The following TMC5 variants were observed in gnomAD, a reference collection of about 807,000 sequenced individuals.
The protein encoded by TMC5 is transmembrane channel-like protein 5.
TMC5 carries 86 observed loss-of-function variants against 110.5 expected under a neutral mutation model. That is an observed-to-expected ratio of 0.78 (90% CI 0.65 to 0.93). The LOEUF (loss-of-function observed/expected upper bound fraction) is 0.93. Ranked by LOEUF, TMC5 falls within the 40% of genes least tolerant of loss-of-function variation. TMC5 has a pLI of 0.00. For missense variants in TMC5, 1,144 were observed against 1,222.8 expected, an observed-to-expected ratio of 0.94 and a Z score of 0.96; for synonymous variants, 455 against 439.5, an observed-to-expected ratio of 1.04 and a Z score of -0.44.
rs572731475 is a variant in TMC5, at chr16:19,485,636, A to G, written c.2364-1309A>G. Among the ~76,000 whole-genome samples, 5 of 152,352 alleles carry G rather than the reference A, an allele frequency of 3.3e-5. No individual in the cohort carries two copies. In the South Asian group the frequency reaches 1.0e-3, roughly 32 times the overall value. ...TTTAAGGGAGTCTTTATTTACAATC[A>G]TAAATGGAAAACCAGTGCCATTTGA... is the stretch of plus-strand genomic sequence containing the variant. On this transcript the variant is annotated intron_variant, in intron 15 of 21. Coordinates refer to ENST00000542583, the MANE Select transcript of TMC5 (RefSeq NM_001261841.2).
intron 1 of TMC5, among the ~76,000 whole-genome samples, chr16:19,421,768 A>C (rs549377536): frequency 2.6e-5 from 4 of 152,350 alleles, no homozygotes; most frequent in African/African-American, 9.6e-5. Flanking sequence ...CAAGAGGTGA[A>C]TGTGGAACAA....
intron 2 of TMC5, among the ~76,000 whole-genome samples, chr16:19,437,679 A>G (rs1046493794): frequency 1.3e-5 from 2 of 152,158 alleles, no homozygotes; most frequent in African/African-American, 2.4e-5. Flanking sequence ...GCTGGCTTGA[A>G]ACTGTAGAGA....
intron 21 of TMC5, 80 bp downstream of exon 21, chr16:19,497,243 A>G: frequency 6.9e-7 from 1 of 1,441,116 alleles, no homozygotes; most frequent in Non-Finnish European, 9.7e-7. Context: ...AGAATTGCTC[A>G]TGTGTCCATT....
At chr16:19,492,043 G>A (rs972541546) in intron 18 of TMC5, 107 bp from the exon 19 acceptor site, 3 of 868,850 alleles carry the variant, frequency 3.5e-6, no homozygotes, top group African/African-American at 1.7e-5. Flanking sequence ...ACATGTTTGG[G>A]CCAAATCCAT....
chr16:19,481,679 C>T (rs1214175539), intron 15 of TMC5, among the ~76,000 whole-genome samples: 5 of 152,180 alleles, frequency 3.3e-5, no homozygotes, highest in African/African-American at 1.2e-4. Flanking sequence ...GAGCAGGGAT[C>T]GCAACCTGGA....
Position 19,486,975 on chromosome 16 carries a change from C to G in TMC5, c.2394C>G (p.Pro798=), listed in dbSNP as rs1313764488. Residue 798 remains proline (P), a synonymous_variant, in exon 16 of 22, where the codon CCC becomes CCG. Transcript: ENST00000542583. ...WIGIFFCPLL[P]FIQMIMLFIM... is the part of the protein sequence containing the mutation. ...GCATCTTCTTCTGCCCCCTGCTGCC[C>G]TTTATCCAAATGATTATGCTTTTCA... 1 of 1,614,114 alleles carries G rather than the reference C, an allele frequency of 6.2e-7. No homozygotes were observed. The highest frequency in any genetic ancestry group is 1.1e-5 in the South Asian group (1 of 91,080).
intron 5 of TMC5, among the ~76,000 whole-genome samples, chr16:19,451,495 C>T (rs887936594): frequency 1.4e-4 from 22 of 152,258 alleles, no homozygotes; most frequent in Admixed American, 1.2e-3. Context: ...TATGACTGCT[C>T]TGTCTTGCCA....
intron 2 of TMC5, among the ~76,000 whole-genome samples, chr16:19,439,089 C>CT (rs1175444146): frequency 2.6e-5 from 4 of 152,188 alleles, no homozygotes; most frequent in Non-Finnish European, 5.9e-5. Flanking sequence ...GTGATTGGTA[C>CT]AAGAGTAGGT....
At chr16:19,478,122 C>T (rs1171304682) in intron 13 of TMC5, among the ~76,000 whole-genome samples, 1 of 152,226 alleles carries the variant, frequency 6.6e-6, no homozygotes, top group Admixed American at 6.5e-5. Context: ...GCCAGCCTCC[C>T]TGGCCTTCTC....
At chr16:19,456,506 A>G (rs759792802) in intron 5 of TMC5, 2 of 1,322,974 alleles carry the variant, frequency 1.5e-6, no homozygotes, top group South Asian at 2.2e-5. Context: ...CAGGGGTTAG[A>G]TGCAGGGAGT....
rs71375641 is a variant in TMC5 at position 19,465,001 on chromosome 16, G to GTCTT, written c.1486-1027_1486-1024dup. Among the ~76,000 whole-genome samples the GTCTT allele has an allele frequency of 1.1e-3, 79 of 73,634 alleles. 1 individual carries two copies. The highest frequency in any genetic ancestry group is 7.7e-3 in the Middle Eastern group (1 of 130). 48.3% of individuals were successfully genotyped at this position (73,634 alleles called of 152,430 possible). A position where few individuals can be genotyped will look rare whatever the true frequency, so the allele number is the denominator to read the frequency against. On this transcript the variant is annotated intron_variant, in intron 8 of 21. Transcript: ENST00000542583. ...CTTTCTTTTCTTTTCCTTTCCTTTT[G>GTCTT]TCTTTCTTTCTTTCTTTCTTTCTTT...
In TMC5 at chr16:19,440,761, T is replaced by C; in HGVS notation, c.723T>C (p.Pro241=). The C allele has an allele frequency of 1.9e-6, 3 of 1,614,148 alleles. No individual in the cohort carries two copies. Among genetic ancestry groups the C allele is most frequent in the Non-Finnish European group, 2.5e-6 (3 of 1,180,044 alleles). ...ACTTGCCAAGCACTTGGAGAGAACC[T>C]GATTATTCAGATGCTGAGAATGGTC... ...NQNLPSTWRE[P]DYSDAENGHD... is the part of the protein sequence containing the mutation. Residue 241 remains proline, a synonymous_variant, in exon 3 of 22, where the codon CCT becomes CCC. Coordinates refer to ENST00000542583, the MANE Select transcript of TMC5 (RefSeq NM_001261841.2).
chr16:19,486,220 G>T (rs1314914006), intron 15 of TMC5, among the ~76,000 whole-genome samples: 3 of 152,272 alleles, frequency 2.0e-5, no homozygotes, highest in African/African-American at 7.2e-5. Flanking sequence ...AGTTCTGGAG[G>T]CCAGAAGGCC....
At chr16:19,473,655 C>T (rs1172200025) in intron 11 of TMC5, among the ~76,000 whole-genome samples, 5 of 152,026 alleles carry the variant, frequency 3.3e-5, no homozygotes, top group Non-Finnish European at 5.9e-5. Flanking sequence ...TTGCTTGGCA[C>T]GGGGTAAGGA....
chr16:19,438,408 AG>A (rs1444864625), intron 2 of TMC5, among the ~76,000 whole-genome samples: 9,052 of 128,050 alleles, frequency 0.071, 563 homozygotes, highest in South Asian at 0.095. Context: ...AAAAAAAAAA[AG>A]AAGAAAGAAA....
At chr16:19,461,573 C>G (rs753703156) in intron 6 of TMC5, among the ~76,000 whole-genome samples, 20 of 146,226 alleles carry the variant, frequency 1.4e-4, no homozygotes, top group Non-Finnish European at 2.7e-4. Context: ...GACTCTGTAT[C>G]GGAAAAAAAA....
At chr16:19,452,980 A>C (rs1427043112) in intron 5 of TMC5, among the ~76,000 whole-genome samples, 1 of 146,760 alleles carries the variant, frequency 6.8e-6, no homozygotes, top group Non-Finnish European at 1.5e-5. Flanking sequence ...TGAGCCAGGA[A>C]CCACGGGTGG....
At chr16:19,487,757 A>AGGT (rs1455284824) in intron 17 of TMC5, 1 of 142,746 alleles carries the variant, frequency 7.0e-6, no homozygotes, top group African/African-American at 2.6e-5. Flanking sequence ...ATAAATAAAT[A>AGGT]ATGTAGGTAT....
At chr16:19,490,682 G>A in intron 18 of TMC5, 114 bp downstream of exon 18, 2 of 995,366 alleles carry the variant, frequency 2.0e-6, no homozygotes, top group South Asian at 1.5e-5. Context: ...AGTGTTCTGG[G>A]TGACTCTACC....
Sources: allele counts gnomAD v4.1 joint callset (sites outside exome capture counted in the v4.1 genomes callset), GRCh38; gene constraint gnomAD v4.1.1; transcripts MANE v1.5; gene names NCBI Gene and HGNC (gene_info 2026-07-23, HGNC 2026-07-21).